ABCC3: variants seen among roughly 807,000 people sequenced by gnomAD.
ABCC3 encodes ATP binding cassette subfamily C member 3.
A neutral mutation model predicts 165.3 loss-of-function variants in ABCC3; 121 were observed. The ratio of observed to expected loss-of-function variants is 0.73; its 90% CI spans 0.63 to 0.85. ABCC3 has a LOEUF of 0.85. Among genes scored for constraint, ABCC3 ranks in the 40% least tolerant of loss-of-function variants. ABCC3 has a pLI of 0.00. For synonymous variants in ABCC3, 733 were observed against 810.1 expected (o/e 0.90, Z 1.62); for missense variants, 1,869 against 1,964.1 (o/e 0.95, Z 0.92).
chr17:50,656,567 C>T, intron 2 of ABCC3, 135 bp from the exon 3 acceptor site: 1 of 1,246,672 alleles, frequency 8.0e-7, no homozygotes, highest in Non-Finnish European at 1.1e-6. Context: ...TTCTGGTCAG[C>T]TCCATTCCCA....
intron 1 of ABCC3, among the ~76,000 whole-genome samples, chr17:50,647,905 G>A (rs1567825656): frequency 6.6e-6 from 1 of 152,154 alleles, no homozygotes; most frequent in Non-Finnish European, 1.5e-5. Flanking sequence ...CGGGCGTGGT[G>A]GTGGAAGCCT....
chr17:50,645,200 T>TAA (rs564267933), intron 1 of ABCC3, among the ~76,000 whole-genome samples: 23 of 118,344 alleles, frequency 1.9e-4, no homozygotes, highest in African/African-American at 5.4e-4. Context: ...GACTTGGCCT[T>TAA]AAAAAAAAAA....
intron 3 of ABCC3, 36 bp downstream of exon 3, chr17:50,656,863 G>A: frequency 6.3e-7 from 1 of 1,584,132 alleles, no homozygotes; most frequent in Non-Finnish European, 8.6e-7. Context: ...GATGGGGGAG[G>A]TCTCCATTGG....
chr17:50,691,451 C>T lies in ABCC3; in HGVS notation c.*251C>T. The T allele has an allele frequency of 2.4e-6, 1 of 420,430 alleles. No individual in the cohort carries two copies. The highest frequency in any genetic ancestry group is 3.0e-5 in the South Asian group (1 of 33,386). The allele number at this position is 420,430 out of a possible 1,614,324, so 26.0% of individuals were successfully genotyped here. On this transcript the variant is annotated 3_prime_UTR_variant, in exon 31 of 31. Coordinates refer to ENST00000285238, the MANE Select transcript of ABCC3 (RefSeq NM_003786.4). ...GACTAGTCCCCGGTCTCCCGATTCC[C>T]AACTGAGTGTTATTTGCACACTGCA...
At chr17:50,669,050 G>T in intron 15 of ABCC3, 90 bp from the exon 16 acceptor site, 1 of 1,595,998 alleles carries the variant, frequency 6.3e-7, no homozygotes, top group Non-Finnish European at 8.6e-7. Context: ...GTGTCTGGAA[G>T]GGCGGAGGGC....
At chr17:50,661,167 T>C in intron 8 of ABCC3, 53 bp downstream of exon 8, 1 of 1,491,234 alleles carries the variant, frequency 6.7e-7, no homozygotes, top group Non-Finnish European at 9.0e-7. Flanking sequence ...CAGGGCTGGC[T>C]GGCTAGCCCA....
chr17:50,647,658 C>T (rs575411894), intron 1 of ABCC3, among the ~76,000 whole-genome samples: 1 of 152,268 alleles, frequency 6.6e-6, no homozygotes, highest in East Asian at 1.9e-4. Flanking sequence ...AACCAGGAGA[C>T]CAGGAAAGAG....
chr17:50,681,216 C>T (rs989898982), intron 26 of ABCC3, among the ~76,000 whole-genome samples: 7 of 152,146 alleles, frequency 4.6e-5, no homozygotes, highest in Admixed American at 3.9e-4. Context: ...TAATCTCTGT[C>T]CTCAAACCCC....
At chr17:50,646,754 C>T (rs1967008876) in intron 1 of ABCC3, among the ~76,000 whole-genome samples, 2 of 152,206 alleles carry the variant, frequency 1.3e-5, no homozygotes, top group South Asian at 4.1e-4. Context: ...GCCAAGGGGC[C>T]AGGTGGGAGG....
intron 18 of ABCC3, 72 bp from the exon 19 acceptor site, chr17:50,673,397 C>G (rs535996731): frequency 1.9e-6 from 3 of 1,552,142 alleles, no homozygotes; most frequent in Admixed American, 1.7e-5. Context: ...CACACTCACT[C>G]TGTGGCTCCG....
intron 28 of ABCC3, among the ~76,000 whole-genome samples, 185 bp downstream of exon 28, chr17:50,684,292 T>C (rs1324638063): frequency 6.6e-6 from 1 of 152,114 alleles, no homozygotes; most frequent in East Asian, 1.9e-4. Flanking sequence ...AAGCTCAGAC[T>C]TACCCTGCCC....
intron 11 of ABCC3, 28 bp from the exon 12 acceptor site, chr17:50,667,526 G>A (rs1567832698): frequency 6.3e-7 from 1 of 1,586,180 alleles, no homozygotes. Context: ...GAGCAGGTGT[G>A]CCACTGACAC....
chr17:50,678,464 G>T (rs898797840), intron 25 of ABCC3, among the ~76,000 whole-genome samples: 6 of 152,106 alleles, frequency 3.9e-5, no homozygotes, highest in East Asian at 3.8e-4. Context: ...CATTCAGAAA[G>T]AATTCTGTTG....
chr17:50,676,384 C>T lies in ABCC3; in HGVS notation c.3174C>T (p.Ser1058=), dbSNP rs1349697466. 2 of 1,614,200 alleles carry T rather than the reference C, an allele frequency of 1.2e-6. No homozygotes were observed. The highest frequency in any genetic ancestry group is 1.7e-6 in the Non-Finnish European group (2 of 1,180,022). ...LLHNKIRSPQ[S]FFDTTPSGRI... is the part of the protein sequence containing the mutation. ...ACAACAAGATACGCTCGCCACAGTC[C>T]TTCTTTGACACCACACCATCAGGCC... The change falls in exon 23 of 31, where the codon TCC becomes TCT. Residue 1058 remains serine (S), a synonymous_variant. Transcript: ENST00000285238.
Position 50,674,034 on chromosome 17 carries a change from C to CTCTTTCTTTCTT in ABCC3, c.2599+406_2599+417dup, listed in dbSNP as rs1163741242. 1.1e-3 allele frequency among the ~76,000 whole-genome samples: 5 copies of CTCTTTCTTTCTT among 4,508 alleles called. 2 individuals carry two copies. The highest frequency in any genetic ancestry group is 1.5e-3 in the Non-Finnish European group (4 of 2,590). The allele number at this position is 4,508 out of a possible 152,430, so 3.0% of individuals were successfully genotyped here. Reference sequence around the variant, plus strand: ...TCTCTCTCTCTCTCTCTCTCTCTCTCTCTTTCTTTCTTTCTTTCTTTCTTT... The same window carrying CTCTTTCTTTCTT: ...TCTCTCTCTCTCTCTCTCTCTCTCTCTCTTTCTTTCTTTCTTTCTTTCTTTCTTTCTTTCTTT... On this transcript the variant is annotated intron_variant, in intron 19 of 30. Transcript: ENST00000285238.
At chr17:50,645,830 C>G (rs1966993943) in intron 1 of ABCC3, among the ~76,000 whole-genome samples, 1 of 152,170 alleles carries the variant, frequency 6.6e-6, no homozygotes. Flanking sequence ...AAACTCCTGG[C>G]CTCAAGTGAT....
Position 50,663,559 on chromosome 17 carries a change from G to C in ABCC3, c.999-122G>C, listed in dbSNP as rs996330179. On this transcript the variant is annotated intron_variant, in intron 8 of 30. Coordinates refer to ENST00000285238, the MANE Select transcript of ABCC3 (RefSeq NM_003786.4). Reference sequence around the variant, plus strand: ...ACCCTCCCTGGCCCAAGAGGTTGGAGGGGGTGGAGGTTTCAGAGGCCAGGG... The same window carrying C: ...ACCCTCCCTGGCCCAAGAGGTTGGACGGGGTGGAGGTTTCAGAGGCCAGGG... 5.1e-6 allele frequency: 6 copies of C among 1,175,410 alleles called. No individual in the cohort carries two copies. The African/African-American group carries it at 9.2e-5, about 18-fold the overall frequency. The allele number at this position is 1,175,410 out of a possible 1,614,324, so 72.8% of individuals were successfully genotyped here.
intron 1 of ABCC3, among the ~76,000 whole-genome samples, chr17:50,637,130 C>G (rs1415823909): frequency 6.6e-6 from 1 of 152,078 alleles, no homozygotes; most frequent in Admixed American, 6.5e-5. Context: ...CTCGTGAGAT[C>G]TCTGCTTGGA....
At chr17:50,643,203 G>A (rs1270441820) in intron 1 of ABCC3, among the ~76,000 whole-genome samples, 2 of 152,238 alleles carry the variant, frequency 1.3e-5, no homozygotes. Flanking sequence ...CCGGCCCAGA[G>A]ACCTGAAGAT....
Sources: allele counts gnomAD v4.1 joint callset (sites outside exome capture counted in the v4.1 genomes callset), GRCh38; gene constraint gnomAD v4.1.1; transcripts MANE v1.5; gene names NCBI Gene and HGNC (gene_info 2026-07-23, HGNC 2026-07-21).